Variants in ZNF320 observed in about 807,000 individuals in gnomAD.
ZNF320 encodes zinc finger protein 320.
ZNF320 carries 2 observed loss-of-function variants against 6.8 expected under a neutral mutation model. The ratio of observed to expected loss-of-function variants is 0.29; its 90% CI spans 0.12 to 0.93. The LOEUF (loss-of-function observed/expected upper bound fraction) is 0.93, where lower values mean the gene tolerates loss of function less well. Ranked by LOEUF, ZNF320 falls within the 40% of genes least tolerant of loss-of-function variation. The pLI is 0.55. For synonymous variants in ZNF320, 208 were observed against 203.2 expected, an observed-to-expected ratio of 1.02 and a Z score of -0.20; for missense variants, 472 against 611.0, an observed-to-expected ratio of 0.77 and a Z score of 2.40.
At chr19:52,884,378 C>T (rs2064012380) in intron 5 of ZNF320, among the ~76,000 whole-genome samples, 5 of 152,120 alleles carry the variant, frequency 3.3e-5, no homozygotes, top group South Asian at 2.1e-4. Context: ...AGTGCAGTGG[C>T]GTGATCTCAG....
Position 52,866,907 on chromosome 19 carries a change from C to T in ZNF320, c.224-2748G>A, listed in dbSNP as rs1426402946. 2.7e-5 allele frequency among the ~76,000 whole-genome samples: 4 copies of T among 146,908 alleles called. No individual in the cohort carries two copies. The Admixed American group carries it at 2.8e-4, about 10-fold the overall frequency. On this transcript the variant is annotated intron_variant, in intron 5 of 5. Transcript: ENST00000673631. ...AAAAAAAAAGAAAAGAAATGACTAA[C>T]AGTGTCAGACGGCTGAATTATGATG...
At chr19:52,904,109 A>G in the ZNF320 span, among the ~76,000 whole-genome samples, 1 of 152,218 alleles carries the variant, frequency 6.6e-6, no homozygotes. Context: ...TAGTCTTACC[A>G]AGTTTCAGAT....
intron 3 of ZNF320, among the ~76,000 whole-genome samples, chr19:52,890,643 G>A (rs1222695305): frequency 6.6e-6 from 1 of 152,180 alleles, no homozygotes; most frequent in African/African-American, 2.4e-5. Flanking sequence ...AGGCCGAGGT[G>A]GGTAGATCGC....
downstream of ZNF320, among the ~76,000 whole-genome samples, chr19:52,872,560 G>T (rs144682957): frequency 8.0e-3 from 1,213 of 152,214 alleles, 14 homozygotes; most frequent in African/African-American, 0.027. Context: ...GGAGTGCAGT[G>T]GCATGGTTTC....
chr19:52,860,597 C>CAAAAAA (rs113315558), downstream of ZNF320, among the ~76,000 whole-genome samples: 6,572 of 118,518 alleles, frequency 0.055, 293 homozygotes, highest in African/African-American at 0.11. Context: ...GAAACGGCAT[C>CAAAAAA]AAAAAAAAAA....
chr19:52,898,940 T>C (rs8102523), upstream of ZNF320, among the ~76,000 whole-genome samples: 56,670 of 152,156 alleles, frequency 0.37, 12,083 homozygotes, highest in Non-Finnish European at 0.48. Flanking sequence ...TCTTGTTGTT[T>C]TTTCTTAAAA....
chr19:52,886,550 C>A (rs1002463684), intron 5 of ZNF320, among the ~76,000 whole-genome samples: 1 of 152,162 alleles, frequency 6.6e-6, no homozygotes, highest in African/African-American at 2.4e-5. Context: ...GCGTACTGAA[C>A]GGAATGGACA....
chr19:52,862,115 A>G (rs895343594), exon 6 of ZNF320: 44 of 375,074 alleles, frequency 1.2e-4, no homozygotes, highest in Non-Finnish European at 6.5e-5. Flanking sequence ...TTCATTACGG[A>G]TTCTCCAATG....
intron 5 of ZNF320, among the ~76,000 whole-genome samples, chr19:52,884,690 A>C (rs1006107071): frequency 1.5e-4 from 23 of 152,102 alleles, no homozygotes; most frequent in Admixed American, 1.4e-3. Context: ...GACCTCAAGC[A>C]ATCTACCCAC....
rs949999592 is a variant in ZNF320, at chr19:52,880,038, A to G, written c.*558T>C. 4 of 152,324 alleles carry G rather than the reference A, an allele frequency of 2.6e-5. No individual in the cohort carries two copies. Among genetic ancestry groups the G allele is most frequent in the African/African-American group, 4.8e-5 (2 of 41,574 alleles). The allele number at this position is 152,324 out of a possible 1,614,324, so 9.4% of individuals were successfully genotyped here. On this transcript the variant is annotated 3_prime_UTR_variant, in exon 6 of 6. Transcript: ENST00000682928. ...CAACACAATACCCAGAGAAATTTCTATAACTTTTTGTTAAAGAAACAAAAA... is the reference window on the plus strand; with the variant it reads ...CAACACAATACCCAGAGAAATTTCTGTAACTTTTTGTTAAAGAAACAAAAA...
chr19:52,885,637 A>G (rs1452659373), intron 5 of ZNF320, among the ~76,000 whole-genome samples: 1 of 152,062 alleles, frequency 6.6e-6, no homozygotes, highest in African/African-American at 2.4e-5. Flanking sequence ...AACTGCTTGA[A>G]CCTGGGAGGT....
Position 52,888,197 on chromosome 19 carries a change from G to C in ZNF320, c.72C>G (p.Cys24Trp). ...ATAGAGTCCTCTGAGCAGGGTCCAG[G>C]CATTTCCACTCCTCCTGAGAGAATT... ...AIEFSQEEWKCLDPAQRTLYR... is the reference protein window; with the variant it reads ...AIEFSQEEWKWLDPAQRTLYR... Residue 24 changes from cysteine (C) to tryptophan (W), a missense_variant, in exon 5 of 6, where the codon TGC (cysteine) becomes TGG (tryptophan). By Grantham distance (215) the Cys-to-Trp change is radical. Transcript: ENST00000682928. 2 of 1,518,462 alleles carry C rather than the reference G, an allele frequency of 1.3e-6. No homozygotes were observed. Among genetic ancestry groups the C allele is most frequent in the Non-Finnish European group, 1.8e-6 (2 of 1,126,086 alleles). 94.1% of individuals were successfully genotyped at this position (1,518,462 alleles called of 1,614,324 possible).
At chr19:52,897,192 G>C (rs1274208091) in intron 1 of ZNF320, among the ~76,000 whole-genome samples, 1 of 152,242 alleles carries the variant, frequency 6.6e-6, no homozygotes, top group African/African-American at 2.4e-5. Flanking sequence ...CACCGCACAA[G>C]GAGGGAGGTG....
upstream of ZNF320, among the ~76,000 whole-genome samples, chr19:52,898,311 G>A (rs866554379): frequency 6.6e-6 from 1 of 152,092 alleles, no homozygotes; most frequent in Non-Finnish European, 1.5e-5. Context: ...GGAGGAGTGA[G>A]GTCACCACCT....
At chr19:52,890,479 T>A in intron 3 of ZNF320, 151 bp from the exon 4 acceptor site, 1 of 634,992 alleles carries the variant, frequency 1.6e-6, no homozygotes, top group Non-Finnish European at 2.6e-6. Flanking sequence ...ACAGGAAAAC[T>A]CCCACTACCC....
exon 6 of ZNF320, chr19:52,862,280 AG>A: frequency 1.5e-6 from 1 of 683,230 alleles, no homozygotes. Flanking sequence ...GTTTCTCTCC[AG>A]GGTGAATTCT....
intron 2 of ZNF320, among the ~76,000 whole-genome samples, chr19:52,891,688 C>T (rs2064299123): frequency 6.6e-6 from 1 of 152,140 alleles, no homozygotes; most frequent in Non-Finnish European, 1.5e-5. Context: ...GGCTGTGGAG[C>T]CACACTGATG....
downstream of ZNF320, among the ~76,000 whole-genome samples, chr19:52,874,872 C>T (rs2063738616): frequency 6.6e-6 from 1 of 152,058 alleles, no homozygotes; most frequent in African/African-American, 2.4e-5. Context: ...GGGGGACAGC[C>T]CAGGTGAAGG....
chr19:52,869,547 C>A (rs987845438), intron 5 of ZNF320, among the ~76,000 whole-genome samples: 33 of 151,554 alleles, frequency 2.2e-4, no homozygotes, highest in African/African-American at 6.8e-4. Flanking sequence ...GGTTTTTTTT[C>A]TTTTTTTGAG....
Sources: gnomAD v4.1 joint callset for allele counts (sites outside exome capture counted in the v4.1 genomes callset) on GRCh38, gnomAD v4.1.1 for gene constraint, MANE v1.5 for transcripts, NCBI Gene and HGNC (gene_info 2026-07-23, HGNC 2026-07-21) for gene names.